FGFRL1: variants seen among roughly 807,000 people sequenced by gnomAD.
FGFRL1 encodes the protein fibroblast growth factor receptor like 1.
In FGFRL1, 24 loss-of-function variants were observed where a neutral mutation model predicts 36.8. The observed-to-expected ratio is 0.65, with a 90% confidence interval of 0.47 to 0.92. The LOEUF (loss-of-function observed/expected upper bound fraction) is 0.92. Among genes scored for constraint, FGFRL1 ranks in the 40% least tolerant of loss-of-function variants. The pLI is 0.00. For missense variants in FGFRL1, 785 were observed against 753.4 expected, an observed-to-expected ratio of 1.04 and a Z score of -0.49; for synonymous variants, 422 against 344.1, an observed-to-expected ratio of 1.23 and a Z score of -2.50.
intron 2 of FGFRL1, among the ~76,000 whole-genome samples, chr4:1,014,283 T>C (rs957087089): frequency 2.0e-5 from 3 of 152,148 alleles, no homozygotes; most frequent in Non-Finnish European, 2.9e-5. Context: ...TTTTTTTTTT[T>C]CCAATTTGAA....
Position 1,025,182 on chromosome 4 carries a change from TG to T in FGFRL1, c.1353del (p.Ser452LeufsTer128). The stretch of plus-strand genomic sequence containing the variant: ...CTGGTGTGGGGCTGTGTGAGGAGCA[TG>T]GGTCTCCGGCAGCCCCCCAGCACTT... Reference protein sequence around the residue: ...GPGVGLCEEHGSPAAPQHLLG... With the variant: ...GPGVGLCEEHXSPAAPQHLLG... On this transcript the variant is annotated frameshift_variant, in exon 7 of 7. Coordinates refer to ENST00000510644, the MANE Select transcript of FGFRL1 (RefSeq NM_001004356.3). LOFTEE classifies it high-confidence loss of function. 1 of 1,610,484 alleles carries T rather than the reference TG, an allele frequency of 6.2e-7. No homozygotes were observed. Among genetic ancestry groups the T allele is most frequent in the Admixed American group, 1.7e-5 (1 of 59,730 alleles).
At chr4:1,010,225 A>T (rs561591397), upstream of FGFRL1, 4 of 152,294 alleles carry the variant, frequency 2.6e-5, no homozygotes, top group Admixed American at 2.6e-4. Context: ...GCGGCGCAGG[A>T]CGTTCTCCCG....
intron 2 of FGFRL1, among the ~76,000 whole-genome samples, chr4:1,019,132 A>G (rs545614951): frequency 6.6e-6 from 1 of 152,038 alleles, no homozygotes; most frequent in Non-Finnish European, 1.5e-5. Flanking sequence ...GCCTTTGGGG[A>G]CCCTTACCTC....
intron 2 of FGFRL1, among the ~76,000 whole-genome samples, chr4:1,021,501 C>T (rs949111105): frequency 2.6e-5 from 4 of 152,100 alleles, no homozygotes; most frequent in South Asian, 2.1e-4. Context: ...TGGCAGGGTA[C>T]GGCCCTTGGG....
chr4:1,015,925 C>T (rs1715863295), intron 2 of FGFRL1, among the ~76,000 whole-genome samples: 1 of 152,204 alleles, frequency 6.6e-6, no homozygotes, highest in Admixed American at 6.5e-5. Flanking sequence ...GAGCGCAGTA[C>T]CATGCACCAG....
intron 2 of FGFRL1, among the ~76,000 whole-genome samples, chr4:1,021,937 G>A (rs1674226839): frequency 6.6e-6 from 1 of 152,216 alleles, no homozygotes; most frequent in South Asian, 2.1e-4. Context: ...CAAAGAGCCA[G>A]CCTCTGGGGC....
intron 2 of FGFRL1, among the ~76,000 whole-genome samples, chr4:1,019,588 G>A (rs1163512428): frequency 6.6e-6 from 1 of 152,198 alleles, no homozygotes; most frequent in Non-Finnish European, 1.5e-5. Context: ...TGTGGGCCCT[G>A]CAGCCGCTTC....
chr4:1,024,404 G>A lies in FGFRL1; in HGVS notation c.812G>A (p.Arg271His), dbSNP rs370772573. The A allele has an allele frequency of 1.4e-5, 22 of 1,612,482 alleles. No individual in the cohort carries two copies. Among genetic ancestry groups the A allele is most frequent in the Admixed American group, 1.2e-4 (7 of 59,984 alleles). Reference sequence around the variant, plus strand: ...ACCACGTCCTTCCAGTGCAAGGTGCGCAGCGACGTGAAGCCGGTGATCCAG... The same window carrying A: ...ACCACGTCCTTCCAGTGCAAGGTGCACAGCGACGTGAAGCCGGTGATCCAG... ...GGTTSFQCKVRSDVKPVIQWL... is the reference protein window; with the variant it reads ...GGTTSFQCKVHSDVKPVIQWL... Residue 271 changes from arginine to histidine, a missense_variant, in exon 6 of 7, where the codon CGC (arginine) becomes CAC (histidine). Transcript: ENST00000510644.
chr4:1,025,403 G>A lies in FGFRL1; in HGVS notation c.*56G>A. 1.3e-6 allele frequency: 2 copies of A among 1,502,358 alleles called. No individual in the cohort carries two copies. Among genetic ancestry groups the A allele is most frequent in the South Asian group, 1.3e-5 (1 of 75,876 alleles). The allele number at this position is 1,502,358 out of a possible 1,614,324, so 93.1% of individuals were successfully genotyped here. On this transcript the variant is annotated 3_prime_UTR_variant, in exon 7 of 7. Transcript: ENST00000510644. Reference sequence around the variant, plus strand: ...GGCCGGCCAGACAGGCAGACTGGGAGGATGGAGGACGGAGCTGCAGACGAA... The same window carrying A: ...GGCCGGCCAGACAGGCAGACTGGGAAGATGGAGGACGGAGCTGCAGACGAA...
rs563689502 is a variant in FGFRL1, at chr4:1,025,425, C to T, written c.*78C>T. The T allele has an allele frequency of 5.2e-5, 77 of 1,479,720 alleles. No homozygotes were observed. In the African/African-American group the frequency reaches 5.3e-4, roughly 10 times the overall value. The allele number at this position is 1,479,720 out of a possible 1,614,324, so 91.7% of individuals were successfully genotyped here. A position where few individuals can be genotyped will look rare whatever the true frequency, so the allele number is the denominator to read the frequency against. On this transcript the variant is annotated 3_prime_UTR_variant, in exon 7 of 7. Coordinates refer to ENST00000510644, the MANE Select transcript of FGFRL1 (RefSeq NM_001004356.3). ...GGAGGATGGAGGACGGAGCTGCAGA[C>T]GAAGGCAGGGGACCCATGGCGAGGA... is the stretch of plus-strand genomic sequence containing the variant.
chr4:1,012,911 G>A (rs1329318794), intron 2 of FGFRL1, among the ~76,000 whole-genome samples: 7 of 152,240 alleles, frequency 4.6e-5, no homozygotes, highest in African/African-American at 1.2e-4. Context: ...GGGAGTGGGC[G>A]GTTTGTGGCC....
Position 1,026,679 on chromosome 4 carries a change from G to A in FGFRL1, c.*1332G>A. On this transcript the variant is annotated 3_prime_UTR_variant, in exon 7 of 7. Transcript: ENST00000510644. ...AATGAAGATAATATTAATAATGATG[G>A]AAGGAAGACTGGGTTGCAGGGACTG... 3.1e-6 allele frequency: 1 copy of A among 318,688 alleles called. No homozygotes were observed. The highest frequency in any genetic ancestry group is 1.0e-4 in the East Asian group (1 of 9,910). The allele number at this position is 318,688 out of a possible 1,614,324, so 19.7% of individuals were successfully genotyped here. A position where few individuals can be genotyped will look rare whatever the true frequency, so the allele number is the denominator to read the frequency against.
At position 1,024,966 on chromosome 4, in the gene FGFRL1, C is replaced by T. The variant is rs111246053; in HGVS notation, c.1134C>T (p.Pro378=). ...SSSSATSLPW[P]VVIGIPAGAV... ...CCTCGGCCACTAGCCTGCCGTGGCC[C>T]GTGGTCATCGGCATCCCAGCCGGCG... The change falls in exon 7 of 7, where the codon CCC becomes CCT. Residue 378 remains proline (P), a synonymous_variant. Coordinates refer to ENST00000510644, the MANE Select transcript of FGFRL1 (RefSeq NM_001004356.3). 139 of 1,609,076 alleles carry T rather than the reference C, an allele frequency of 8.6e-5. 1 individual carries two copies. In the African/African-American group the frequency reaches 8.9e-4, roughly 10 times the overall value.
At chr4:1,015,009 CAG>C (rs1411858983) in intron 2 of FGFRL1, among the ~76,000 whole-genome samples, 5 of 152,226 alleles carry the variant, frequency 3.3e-5, no homozygotes, top group Admixed American at 6.5e-5. Context: ...GCGGCCCTGT[CAG>C]GGGAAATGTT....
At chr4:1,012,184 G>A (rs1276480335) in intron 1 of FGFRL1, 1 of 313,646 alleles carries the variant, frequency 3.2e-6, no homozygotes, top group Non-Finnish European at 5.8e-6. Flanking sequence ...TATCTGCGGG[G>A]CGCTGAGTGT....
intron 2 of FGFRL1, among the ~76,000 whole-genome samples, chr4:1,017,879 G>A (rs1366987702): frequency 6.6e-6 from 1 of 151,946 alleles, no homozygotes; most frequent in African/African-American, 2.4e-5. Context: ...TGCCCTGGCC[G>A]GCCCCCACAC....
At chr4:1,014,269 C>T (rs1214553326) in intron 2 of FGFRL1, among the ~76,000 whole-genome samples, 1 of 151,866 alleles carries the variant, frequency 6.6e-6, no homozygotes, top group East Asian at 1.9e-4. Context: ...TTGTCTTAAA[C>T]TGCTTTTTTT....
Position 1,025,109 on chromosome 4 carries a change from G to C in FGFRL1, c.1277G>C (p.Arg426Pro), listed in dbSNP as rs751318362. 4.3e-6 allele frequency: 7 copies of C among 1,610,968 alleles called. No homozygotes were observed. Residue 426 changes from arginine (R) to proline (P), a missense_variant, in exon 7 of 7, where the codon CGC becomes CCC. Physicochemically the swap from Arg to Pro is moderately radical, Grantham distance 103 (BLOSUM62 -2). Coordinates refer to ENST00000510644, the MANE Select transcript of FGFRL1 (RefSeq NM_001004356.3). ...GHRPPGTARD[R>P]SGDKDLPSLA... ...CGCCCGCCGGGGACGGCCCGCGACC[G>C]CAGCGGAGACAAGGACCTTCCCTCG...
rs114930845 is a variant in FGFRL1 at position 1,019,875 on chromosome 4, G to A, written c.80-2328G>A. On this transcript the variant is annotated intron_variant, in intron 2 of 6. Coordinates refer to ENST00000510644, the MANE Select transcript of FGFRL1 (RefSeq NM_001004356.3). ...GATGGGCCGGGTGAGCCAGGGCTGA[G>A]AAGAATCCCTCCCTCCAGAGCCTCA... 2.7e-3 allele frequency among the ~76,000 whole-genome samples: 407 copies of A among 152,332 alleles called. 3 individuals carry two copies. Among genetic ancestry groups the A allele is most frequent in the African/African-American group, 9.2e-3 (383 of 41,568 alleles).
Sources: allele counts gnomAD v4.1 joint callset (sites outside exome capture counted in the v4.1 genomes callset), GRCh38; gene constraint gnomAD v4.1.1; transcripts MANE v1.5; gene names NCBI Gene and HGNC (gene_info 2026-07-23, HGNC 2026-07-21).